Variants in AFF4 observed in about 807,000 individuals in gnomAD.
AFF4 encodes ALF transcription elongation factor 4.
In AFF4, 13 loss-of-function variants were observed where a neutral mutation model predicts 124.8. That is an observed-to-expected ratio of 0.10 (90% CI 0.07 to 0.17). The LOEUF is 0.17. AFF4 is among the 10% of genes least tolerant of loss of function. The pLI, the probability that AFF4 is intolerant of heterozygous loss-of-function variation, is 1.00. For missense variants in AFF4, 1,092 were observed against 1,403.8 expected (o/e 0.78, Z 3.55); for synonymous variants, 477 against 496.1 (o/e 0.96, Z 0.51).
At position 132,880,180 on chromosome 5, in the gene AFF4, C is replaced by A; in HGVS notation, c.*879G>T. On this transcript the variant is annotated 3_prime_UTR_variant, in exon 21 of 21. Coordinates refer to ENST00000265343, the MANE Select transcript of AFF4 (RefSeq NM_014423.4). The stretch of plus-strand genomic sequence containing the variant: ...AACTTATTCTGTTTCGATTAAGTGT[C>A]AAATGATTAGCAACAAAAAATAACA... 5.0e-6 allele frequency: 2 copies of A among 398,810 alleles called. No homozygotes were observed. The highest frequency in any genetic ancestry group is 2.6e-4 in the South Asian group (2 of 7,818). 24.7% of individuals were successfully genotyped at this position (398,810 alleles called of 1,614,324 possible).
intron 11 of AFF4, among the ~76,000 whole-genome samples, chr5:132,894,132 T>A (rs1760330201): frequency 6.6e-6 from 1 of 152,258 alleles, no homozygotes; most frequent in Non-Finnish European, 1.5e-5. Flanking sequence ...AATGCTACTA[T>A]GAACATTCAA....
chr5:132,949,711 C>T (rs114374281), intron 1 of AFF4, among the ~76,000 whole-genome samples: 2,410 of 151,526 alleles, frequency 0.016, 36 homozygotes, highest in Non-Finnish European at 0.026. Context: ...CGCGCGCGCG[C>T]GCGCGCCAGG....
rs1761382062 is a variant in AFF4, at chr5:132,934,613, T to G, written c.452A>C (p.His151Pro). 2 of 1,614,062 alleles carry G rather than the reference T, an allele frequency of 1.2e-6. No individual in the cohort carries two copies. Among genetic ancestry groups the G allele is most frequent in the African/African-American group, 2.7e-5 (2 of 74,932 alleles). Residue 151 changes from histidine (H) to proline (P), a missense_variant, in exon 3 of 21, where the codon CAC (histidine) becomes CCC (proline). Physicochemically the swap from His to Pro is moderately conservative, Grantham distance 77 (BLOSUM62 -2). Around this residue, in one of 11 missense-constraint regions of AFF4, gnomAD observed 188 missense variants for 203.0 expected, o/e 0.93. Coordinates refer to ENST00000265343, the MANE Select transcript of AFF4 (RefSeq NM_014423.4). ...ACTATTGTTATATGACTCACGGTCG[T>G]GCCTCTGACCACTACTGTTAGTGCC... is the stretch of plus-strand genomic sequence containing the variant. The part of the protein sequence containing the change: ...SSGTNSSGQR[H>P]DRESYNNSGS...
intron 1 of AFF4, among the ~76,000 whole-genome samples, chr5:132,942,612 G>A (rs1466011219): frequency 6.6e-6 from 1 of 152,118 alleles, no homozygotes; most frequent in African/African-American, 2.4e-5. Context: ...TTACAGGCAT[G>A]CGCCACCATG....
Position 132,962,103 on chromosome 5 carries a change from C to T in AFF4, c.-5+1156G>A, listed in dbSNP as rs766964213. Among the ~76,000 whole-genome samples, 6 of 152,292 alleles carry T rather than the reference C, an allele frequency of 3.9e-5. No individual in the cohort carries two copies. The East Asian group carries it at 9.6e-4, about 24-fold the overall frequency. ...TAGGCAGACTCACAGACCACAAAGG[C>T]TCTTTATCAAATCCCAAATTAAGAA... On this transcript the variant is annotated intron_variant, in intron 1 of 20. Coordinates refer to ENST00000265343, the MANE Select transcript of AFF4 (RefSeq NM_014423.4).
intron 1 of AFF4, among the ~76,000 whole-genome samples, chr5:132,940,235 C>T (rs111577067): frequency 6.6e-6 from 1 of 150,854 alleles, no homozygotes; most frequent in Non-Finnish European, 1.5e-5. Context: ...TGCGGTGGCT[C>T]ACGCCTGTAA....
intron 1 of AFF4, among the ~76,000 whole-genome samples, chr5:132,949,993 A>C (rs896957606): frequency 6.6e-6 from 1 of 152,118 alleles, no homozygotes; most frequent in African/African-American, 2.4e-5. Flanking sequence ...ACTGCACTCC[A>C]GCATGGCCAA....
rs1178083245 is a variant in AFF4 at position 132,934,131 on chromosome 5, T to G, written c.918+16A>C. On this transcript the variant is annotated intron_variant, in intron 3 of 20. Coordinates refer to ENST00000265343, the MANE Select transcript of AFF4 (RefSeq NM_014423.4). Reference sequence around the variant, plus strand: ...CACGTAGTCACAATGTTAAAAGCTCTAAATGTGTGACTTACATCCAGTGGT... The same window carrying G: ...CACGTAGTCACAATGTTAAAAGCTCGAAATGTGTGACTTACATCCAGTGGT... 1.9e-6 allele frequency: 3 copies of G among 1,604,204 alleles called. No individual in the cohort carries two copies. The highest frequency in any genetic ancestry group is 2.6e-6 in the Non-Finnish European group (3 of 1,174,098).
At position 132,963,452 on chromosome 5, in the gene AFF4, A is replaced by G. The variant is rs377034026; in HGVS notation, c.-198T>C. ...CGAAGGCGGCGTCGGCGGCGGCGGC[A>G]GCGATGCGCCTCACACGGAACAGGC... On this transcript the variant is annotated 5_prime_UTR_variant, in exon 1 of 21. Coordinates refer to ENST00000265343, the MANE Select transcript of AFF4 (RefSeq NM_014423.4). The G allele has an allele frequency of 1.3e-5, 5 of 397,928 alleles. No individual in the cohort carries two copies. The highest frequency in any genetic ancestry group is 4.4e-5 in the Admixed American group (1 of 22,692). 24.6% of individuals were successfully genotyped at this position (397,928 alleles called of 1,614,324 possible). A position where few individuals can be genotyped will look rare whatever the true frequency, so the allele number is the denominator to read the frequency against.
At chr5:132,932,339 C>G in intron 3 of AFF4, 117 bp from the exon 4 acceptor site, 1 of 690,068 alleles carries the variant, frequency 1.4e-6, no homozygotes, top group Non-Finnish European at 2.3e-6. Context: ...AATCAGTACA[C>G]TGGTTAGAAT....
intron 5 of AFF4, among the ~76,000 whole-genome samples, chr5:132,917,847 G>A (rs1408538813): frequency 6.7e-6 from 1 of 149,462 alleles, no homozygotes; most frequent in Non-Finnish European, 1.5e-5. Context: ...CAAGTAGCTT[G>A]GATTACAGGT....
intron 4 of AFF4, among the ~76,000 whole-genome samples, chr5:132,931,163 C>T (rs1452982561): frequency 6.6e-6 from 1 of 151,412 alleles, no homozygotes; most frequent in African/African-American, 2.4e-5. Context: ...GGCTATAATC[C>T]CAGCACTTTG....
At chr5:132,954,866 A>G (rs1335487789) in intron 1 of AFF4, among the ~76,000 whole-genome samples, 2 of 152,000 alleles carry the variant, frequency 1.3e-5, no homozygotes, top group South Asian at 2.1e-4. Flanking sequence ...CTCTTTTATC[A>G]TTTGCTGTCC....
Position 132,880,321 on chromosome 5 carries a change from C to A in AFF4, c.*738G>T, listed in dbSNP as rs539763439. The A allele has an allele frequency of 5.2e-4, 209 of 398,918 alleles. No individual in the cohort carries two copies. The Middle Eastern group carries it at 5.7e-3, about 11-fold the overall frequency. 24.7% of individuals were successfully genotyped at this position (398,918 alleles called of 1,614,324 possible). A position where few individuals can be genotyped will look rare whatever the true frequency, so the allele number is the denominator to read the frequency against. ...TCTTTTGTAATGCATTAAATGCAAG[C>A]TATAGTCACTGTGTGATTGCTGTAG... is the stretch of plus-strand genomic sequence containing the variant. On this transcript the variant is annotated 3_prime_UTR_variant, in exon 21 of 21. Coordinates refer to ENST00000265343, the MANE Select transcript of AFF4 (RefSeq NM_014423.4).
Position 132,902,433 on chromosome 5 carries a change from T to A in AFF4, c.1133+9A>T, listed in dbSNP as rs1482551617. ...GATAAATATTAAACTCATTAAGCAA[T>A]AAACTTACGATTTAGACTGGTGCCC... On this transcript the variant is annotated intron_variant, in intron 7 of 20. Transcript: ENST00000265343. 6.3e-7 allele frequency: 1 copy of A among 1,592,606 alleles called. No homozygotes were observed. Among genetic ancestry groups the A allele is most frequent in the Admixed American group, 1.7e-5 (1 of 59,944 alleles).
intron 5 of AFF4, among the ~76,000 whole-genome samples, chr5:132,921,468 T>C (rs1039867612): frequency 8.1e-6 from 1 of 123,660 alleles, no homozygotes; most frequent in African/African-American, 3.1e-5. Flanking sequence ...TTTTCTTTTT[T>C]TTTTCTTTTT....
At chr5:132,910,594 T>C (rs1300302829) in intron 5 of AFF4, among the ~76,000 whole-genome samples, 2 of 152,170 alleles carry the variant, frequency 1.3e-5, no homozygotes, top group Non-Finnish European at 2.9e-5. Flanking sequence ...ACACATGAAG[T>C]TGTACCCACT....
intron 2 of AFF4, 98 bp from the exon 3 acceptor site, chr5:132,935,039 C>T (rs573308063): frequency 5.8e-5 from 56 of 971,388 alleles, no homozygotes; most frequent in South Asian, 8.5e-5. Flanking sequence ...TGGAAAGGGG[C>T]TTTTCAAAGG....
intron 5 of AFF4, among the ~76,000 whole-genome samples, chr5:132,920,406 G>C (rs1325105028): frequency 6.7e-6 from 1 of 149,764 alleles, no homozygotes; most frequent in South Asian, 2.1e-4. Flanking sequence ...ACCTAGGCTG[G>C]AGTGCAGTGG....
Sources: allele counts gnomAD v4.1 joint callset (sites outside exome capture counted in the v4.1 genomes callset), GRCh38; gene constraint gnomAD v4.1.1; regional missense constraint gnomAD v4.1.1; transcripts MANE v1.5; gene names NCBI Gene and HGNC (gene_info 2026-07-23, HGNC 2026-07-21).